The following RBM20 variants were observed in gnomAD, a reference collection of about 807,000 sequenced individuals.
RBM20 encodes RNA-binding protein 20.
A neutral mutation model predicts 110.1 loss-of-function variants in RBM20; 51 were observed. The ratio of observed to expected loss-of-function variants is 0.46; its 90% CI spans 0.37 to 0.59. RBM20 has a LOEUF of 0.59. Ranked by LOEUF, RBM20 falls within the 20% of genes least tolerant of loss-of-function variation. RBM20 has a pLI of 0.00. For missense variants in RBM20, 1,512 were observed against 1,574.9 expected (o/e 0.96, Z 0.68); for synonymous variants, 589 against 618.2 (o/e 0.95, Z 0.70).
intron 1 of RBM20, among the ~76,000 whole-genome samples, chr10:110,700,996 CT>C (rs1220507328): frequency 6.6e-6 from 1 of 152,120 alleles, no homozygotes; most frequent in East Asian, 1.9e-4. Context: ...GCCTGGGTGG[CT>C]GAGAAAGACT....
intron 13 of RBM20, 66 bp from the exon 14 acceptor site, chr10:110,835,802 C>G: frequency 3.9e-5 from 57 of 1,453,848 alleles, no homozygotes; most frequent in Non-Finnish European, 5.0e-5. Context: ...CATGTCCGCT[C>G]CTCTCCTCTC....
intron 1 of RBM20, among the ~76,000 whole-genome samples, chr10:110,702,275 C>T (rs1455289273): frequency 6.6e-6 from 1 of 152,216 alleles, no homozygotes; most frequent in Non-Finnish European, 1.5e-5. Flanking sequence ...TGTGGTGGCT[C>T]ACACCTGTAA....
chr10:110,749,793 T>G (rs574131102), intron 1 of RBM20, among the ~76,000 whole-genome samples: 1 of 151,900 alleles, frequency 6.6e-6, no homozygotes, highest in Non-Finnish European at 1.5e-5. Context: ...GACAACTAGC[T>G]TTCTATAAAA....
intron 1 of RBM20, among the ~76,000 whole-genome samples, chr10:110,677,325 CTT>C (rs34113399): frequency 0.68 from 102,562 of 149,902 alleles, 37,120 homozygotes; most frequent in Non-Finnish European, 0.8. Context: ...TTTCTTTTTT[CTT>C]TTTTTTTTTG....
chr10:110,650,699 C>A (rs1590594940), intron 1 of RBM20, among the ~76,000 whole-genome samples: 1 of 152,214 alleles, frequency 6.6e-6, no homozygotes, highest in African/African-American at 2.4e-5. Context: ...CTGACCCAAA[C>A]CTGGAAACCT....
intron 1 of RBM20, among the ~76,000 whole-genome samples, chr10:110,647,178 G>C (rs1163605103): frequency 6.6e-6 from 1 of 152,138 alleles, no homozygotes; most frequent in Non-Finnish European, 1.5e-5. Context: ...ATAAAAATCA[G>C]TTCCTGTTCA....
At chr10:110,810,558 C>A in intron 8 of RBM20, 96 bp downstream of exon 8, 1 of 834,204 alleles carries the variant, frequency 1.2e-6, no homozygotes, top group Non-Finnish European at 1.9e-6. Flanking sequence ...ATGCTGTGCC[C>A]TGTTCTTGCC....
At position 110,812,570 on chromosome 10, in the gene RBM20, G is replaced by A. The variant is rs190416018; in HGVS notation, c.2173G>A (p.Glu725Lys). The A allele has an allele frequency of 2.3e-5, 35 of 1,551,730 alleles. No individual in the cohort carries two copies. The East Asian group carries it at 4.2e-4, about 18-fold the overall frequency. Residue 725 changes from glutamate (E) to lysine (K), a missense_variant, in exon 9 of 14, where the codon GAG becomes AAG. By Grantham distance (56) the Glu-to-Lys change is moderately conservative. Around this residue, in one of 3 missense-constraint regions of RBM20, gnomAD observed 1,149 missense variants for 1,169.4 expected, o/e 0.98. Transcript: ENST00000369519. Reference sequence around the variant, plus strand: ...GCAACTGGACAAGGCTGAGTTGGACGAGCGACCAGAAGGAGGGAGGCCCCA... The same window carrying A: ...GCAACTGGACAAGGCTGAGTTGGACAAGCGACCAGAAGGAGGGAGGCCCCA... ...PRQLDKAELD[E>K]RPEGGRPHRE...
chr10:110,738,691 A>C (rs559818253), intron 1 of RBM20, among the ~76,000 whole-genome samples: 4 of 152,118 alleles, frequency 2.6e-5, no homozygotes, highest in Admixed American at 6.5e-5. Flanking sequence ...GGATGAGGAG[A>C]GTATACCAGG....
At chr10:110,803,374 T>C (rs1404040671) in intron 7 of RBM20, among the ~76,000 whole-genome samples, 7 of 152,224 alleles carry the variant, frequency 4.6e-5, no homozygotes, top group Non-Finnish European at 7.3e-5. Context: ...GGTAATTTGC[T>C]TATAGTCACC....
intron 1 of RBM20, among the ~76,000 whole-genome samples, chr10:110,734,618 C>CGTTTTTTTT (rs34824300): frequency 7.3e-6 from 1 of 136,532 alleles, no homozygotes. Flanking sequence ...AAAATTCCCT[C>CGTTTTTTTT]TTTTTTTTTT....
intron 1 of RBM20, among the ~76,000 whole-genome samples, chr10:110,729,734 C>T (rs1296457179): frequency 6.6e-6 from 1 of 152,254 alleles, no homozygotes; most frequent in East Asian, 1.9e-4. Context: ...CCGCATCCAC[C>T]TCCGCCCTAG....
intron 7 of RBM20, among the ~76,000 whole-genome samples, chr10:110,803,965 C>A (rs1844664008): frequency 6.6e-6 from 1 of 152,042 alleles, no homozygotes; most frequent in Admixed American, 6.6e-5. Flanking sequence ...GCTCTTTTGG[C>A]TTTGTTTACT....
intron 1 of RBM20, among the ~76,000 whole-genome samples, chr10:110,656,079 T>TC (rs1862023166): frequency 6.6e-6 from 1 of 152,128 alleles, no homozygotes; most frequent in South Asian, 2.1e-4. Context: ...GGCACGTGGA[T>TC]CACCTGTGGT....
intron 1 of RBM20, among the ~76,000 whole-genome samples, chr10:110,653,784 G>A (rs1264783378): frequency 6.6e-6 from 1 of 152,178 alleles, no homozygotes; most frequent in African/African-American, 2.4e-5. Flanking sequence ...TCGAACTCCT[G>A]GACTTGAGCA....
intron 1 of RBM20, among the ~76,000 whole-genome samples, chr10:110,707,840 G>A (rs1040669073): frequency 1.6e-4 from 25 of 152,174 alleles, no homozygotes; most frequent in Non-Finnish European, 3.4e-4. Context: ...GGATAGTGCC[G>A]CGGGATGACG....
intron 1 of RBM20, among the ~76,000 whole-genome samples, chr10:110,658,735 A>G (rs1862060823): frequency 6.6e-6 from 1 of 151,958 alleles, no homozygotes. Context: ...TTCAGACTGC[A>G]TGGAAGGCCT....
intron 1 of RBM20, among the ~76,000 whole-genome samples, chr10:110,748,545 G>C (rs1225861106): frequency 6.6e-6 from 1 of 152,156 alleles, no homozygotes; most frequent in Non-Finnish European, 1.5e-5. Flanking sequence ...GAATGTACTG[G>C]ACTTGGGCTC....
At chr10:110,800,035 T>A (rs532242305) in intron 7 of RBM20, 117 bp downstream of exon 7, 1 of 971,184 alleles carries the variant, frequency 1.0e-6, no homozygotes, top group African/African-American at 1.6e-5. Flanking sequence ...GATTCAGAAA[T>A]TACACACTGC....
Sources: allele counts gnomAD v4.1 joint callset (sites outside exome capture counted in the v4.1 genomes callset), GRCh38; gene constraint gnomAD v4.1.1; regional missense constraint gnomAD v4.1.1; transcripts MANE v1.5; gene names NCBI Gene and HGNC (gene_info 2026-07-23, HGNC 2026-07-21).